ZDHHC14: variants seen among roughly 807,000 people sequenced by gnomAD.
ZDHHC14 encodes palmitoyltransferase ZDHHC14.
ZDHHC14 carries 16 observed loss-of-function variants against 47.7 expected under a neutral mutation model. The ratio of observed to expected loss-of-function variants is 0.34; its 90% CI spans 0.23 to 0.51. The LOEUF (loss-of-function observed/expected upper bound fraction) is 0.51. ZDHHC14 is among the 20% of genes least tolerant of loss of function. The probability of loss-of-function intolerance (pLI) is 0.97; values close to 1 mark genes in which losing one functional copy is unlikely to be tolerated. For missense variants in ZDHHC14, 515 were observed against 662.5 expected (o/e 0.78, Z 2.44); for synonymous variants, 293 against 278.9 (o/e 1.05, Z -0.50).
chr6:157,529,718 A>T (rs1781296139), intron 1 of ZDHHC14, among the ~76,000 whole-genome samples: 1 of 152,262 alleles, frequency 6.6e-6, no homozygotes, highest in Non-Finnish European at 1.5e-5. Flanking sequence ...TGAGATCCTT[A>T]TAAAAAGGTG....
chr6:157,474,578 T>C (rs1779432701), intron 1 of ZDHHC14, among the ~76,000 whole-genome samples: 1 of 152,224 alleles, frequency 6.6e-6, no homozygotes, highest in Admixed American at 6.5e-5. Context: ...CCAACACTTA[T>C]CTTTTGTCTT....
At chr6:157,672,532 G>C (rs1384140614) in intron 8 of ZDHHC14, among the ~76,000 whole-genome samples, 192 bp from the exon 9 acceptor site, 1 of 152,110 alleles carries the variant, frequency 6.6e-6, no homozygotes, top group African/African-American at 2.4e-5. Flanking sequence ...TGCAGCACCA[G>C]GCGCTGGGTG....
intron 7 of ZDHHC14, among the ~76,000 whole-genome samples, chr6:157,651,893 G>T (rs1236863201): frequency 6.6e-6 from 1 of 150,542 alleles, no homozygotes; most frequent in Non-Finnish European, 1.5e-5. Flanking sequence ...CATGACACTG[G>T]CTCTCTCCCA....
chr6:157,611,517 C>A (rs1007429324), intron 3 of ZDHHC14, among the ~76,000 whole-genome samples: 3 of 152,130 alleles, frequency 2.0e-5, no homozygotes, highest in African/African-American at 7.2e-5. Flanking sequence ...TGGGGCCTCC[C>A]GGGCACATTT....
In ZDHHC14 at chr6:157,467,412, G is replaced by A. The variant is rs146215731; in HGVS notation, c.246-75173G>A. On this transcript the variant is annotated intron_variant, in intron 1 of 8. Coordinates refer to ENST00000359775, the MANE Select transcript of ZDHHC14 (RefSeq NM_024630.3). Reference sequence around the variant, plus strand: ...TCTATTCTGGACGTTTCAGATAAATGGAGTCATGTATTATGTGGCCTTTTG... The same window carrying A: ...TCTATTCTGGACGTTTCAGATAAATAGAGTCATGTATTATGTGGCCTTTTG... Among the ~76,000 whole-genome samples the A allele has an allele frequency of 6.0e-3, 906 of 152,116 alleles. 11 individuals carry two copies. Among genetic ancestry groups the A allele is most frequent in the African/African-American group, 0.02 (835 of 41,488 alleles).
chr6:157,447,642 G>T (rs781338782), intron 1 of ZDHHC14, among the ~76,000 whole-genome samples: 1 of 152,136 alleles, frequency 6.6e-6, no homozygotes, highest in Non-Finnish European at 1.5e-5. Context: ...AAGACCCGGG[G>T]GTCCAGGTAT....
chr6:157,534,919 C>CA (rs1781487703), intron 1 of ZDHHC14, among the ~76,000 whole-genome samples: 1 of 152,176 alleles, frequency 6.6e-6, no homozygotes, highest in Non-Finnish European at 1.5e-5. Context: ...AATCACTTGG[C>CA]AAAAATGTTG....
intron 1 of ZDHHC14, among the ~76,000 whole-genome samples, chr6:157,458,397 T>C (rs184589792): frequency 3.9e-3 from 589 of 152,332 alleles, no homozygotes; most frequent in Non-Finnish European, 6.8e-3. Context: ...AGAAAATCTA[T>C]TCTGTTGGTA....
chr6:157,393,159 G>T (rs1423601123), intron 1 of ZDHHC14, among the ~76,000 whole-genome samples: 1 of 152,192 alleles, frequency 6.6e-6, no homozygotes, highest in Non-Finnish European at 1.5e-5. Context: ...AATTACAGGC[G>T]TGAGCCACCG....
At chr6:157,417,569 G>A (rs1778008405) in intron 1 of ZDHHC14, among the ~76,000 whole-genome samples, 1 of 152,224 alleles carries the variant, frequency 6.6e-6, no homozygotes, top group Non-Finnish European at 1.5e-5. Context: ...CTTGGACATA[G>A]AGTTTGGCAC....
At chr6:157,467,227 T>C (rs554618835) in intron 1 of ZDHHC14, among the ~76,000 whole-genome samples, 2 of 152,314 alleles carry the variant, frequency 1.3e-5, no homozygotes, top group East Asian at 3.9e-4. Context: ...GCTTTTAGTA[T>C]ACTCAGAGTT....
chr6:157,488,185 C>T (rs1386579957), intron 1 of ZDHHC14, among the ~76,000 whole-genome samples: 1 of 152,180 alleles, frequency 6.6e-6, no homozygotes, highest in Non-Finnish European at 1.5e-5. Context: ...TGGCATTTGG[C>T]ACCAACTTGC....
intron 6 of ZDHHC14, 106 bp downstream of exon 6, chr6:157,645,945 C>A: frequency 1.1e-6 from 1 of 934,202 alleles, no homozygotes; most frequent in East Asian, 2.7e-5. Flanking sequence ...ACATCCCGTT[C>A]CAGATGTGAG....
intron 1 of ZDHHC14, among the ~76,000 whole-genome samples, chr6:157,434,218 T>TTATATATATATA (rs373321908): frequency 0.02 from 2,909 of 146,472 alleles, 43 homozygotes; most frequent in Middle Eastern, 0.036. Context: ...GCTTATAATT[T>TTATATATATATA]TATATATATA....
intron 3 of ZDHHC14, among the ~76,000 whole-genome samples, chr6:157,612,966 A>G (rs762695111): frequency 1.3e-5 from 2 of 152,132 alleles, no homozygotes; most frequent in Non-Finnish European, 2.9e-5. Context: ...CTTCACCCTC[A>G]AACCTACCAG....
chr6:157,502,776 C>T lies in ZDHHC14; in HGVS notation c.246-39809C>T, dbSNP rs868674855. On this transcript the variant is annotated intron_variant, in intron 1 of 8. Transcript: ENST00000359775. This position sits in a 1 kb window ranked among gnomAD's most constrained non-coding sequence, Gnocchi z 4.0. The stretch of plus-strand genomic sequence containing the variant: ...CATGATCTTGGCTCACTGCAACCTC[C>T]GCCTCCCAGGTTCAAGCGATTCTCC... 1.3e-5 allele frequency among the ~76,000 whole-genome samples: 2 copies of T among 152,102 alleles called. No individual in the cohort carries two copies. Among genetic ancestry groups the T allele is most frequent in the East Asian group, 3.9e-4 (2 of 5,190 alleles).
intron 2 of ZDHHC14, among the ~76,000 whole-genome samples, chr6:157,543,322 A>G (rs1392633034): frequency 1.3e-5 from 2 of 150,536 alleles, no homozygotes; most frequent in Non-Finnish European, 2.9e-5. Context: ...AACAGATCCT[A>G]ATCCCTTACA....
At chr6:157,570,752 C>CATACACACACACACATATAT (rs1783064562) in intron 2 of ZDHHC14, among the ~76,000 whole-genome samples, 1 of 125,138 alleles carries the variant, frequency 8.0e-6, no homozygotes, top group African/African-American at 3.5e-5. Flanking sequence ...TATGTATATA[C>CATACACACACACACATATAT]ATACACACAC....
chr6:157,382,345 G>C (rs1296480583), intron 1 of ZDHHC14, 79 bp downstream of exon 1: 2 of 1,527,820 alleles, frequency 1.3e-6, no homozygotes, highest in Admixed American at 2.1e-5. Flanking sequence ...GGCTGCTTTC[G>C]TTTTCTAGAA....
Sources: gnomAD v4.1 joint callset for allele counts (sites outside exome capture counted in the v4.1 genomes callset) on GRCh38, gnomAD v4.1.1 for gene constraint, Gnocchi (gnomAD v3.1) non-coding constraint, MANE v1.5 for transcripts, NCBI Gene and HGNC (gene_info 2026-07-23, HGNC 2026-07-21) for gene names.